The following PTPRT variants were observed in gnomAD, a reference collection of about 807,000 sequenced individuals.
The protein encoded by PTPRT is receptor-type tyrosine-protein phosphatase T.
Under a neutral mutation model 176.8 loss-of-function variants are expected in PTPRT, and 56 were observed. The observed-to-expected ratio is 0.32, with a 90% CI of 0.26 to 0.40. The LOEUF (loss-of-function observed/expected upper bound fraction) is 0.40, where lower values mean the gene tolerates loss of function less well. Among genes scored for constraint, PTPRT ranks in the 10% least tolerant of loss-of-function variants. The probability of loss-of-function intolerance (pLI) is 1.00; values close to 1 mark genes in which losing one functional copy is unlikely to be tolerated. For synonymous variants in PTPRT, 783 were observed against 739.0 expected (o/e 1.06, Z -0.96); for missense variants, 1,540 against 1,908.2 (o/e 0.81, Z 3.60).
chr20:42,855,465 C>T (rs2078546001), intron 2 of PTPRT, among the ~76,000 whole-genome samples: 1 of 129,018 alleles, frequency 7.8e-6, no homozygotes, highest in African/African-American at 3.2e-5. Flanking sequence ...GACAGAGTCT[C>T]ACTCCACCCA....
rs981038260 is a variant in PTPRT, at chr20:42,654,914, T to C, written c.1153+22952A>G. 2.0e-5 allele frequency among the ~76,000 whole-genome samples: 3 copies of C among 152,242 alleles called. No individual in the cohort carries two copies. The East Asian group carries it at 5.8e-4, about 29-fold the overall frequency. On this transcript the variant is annotated intron_variant, in intron 7 of 30. Coordinates refer to ENST00000373187, the MANE Select transcript of PTPRT (RefSeq NM_007050.6). The stretch of plus-strand genomic sequence containing the variant: ...ACTACCCGCATTGAAGAGAAATTTA[T>C]AGATTATATCTTATTGCATTAATGT...
At chr20:42,167,120 A>G (rs112001219) in intron 16 of PTPRT, among the ~76,000 whole-genome samples, 2,173 of 152,306 alleles carry the variant, frequency 0.014, 42 homozygotes, top group African/African-American at 0.05. Context: ...TCAAAGAGAT[A>G]GTGCATGCTG....
Position 42,814,293 on chromosome 20 carries a change from A to G in PTPRT, c.215-22827T>C, listed in dbSNP as rs76945365. ...TCTTGTATTCTTGTTTGCTCAATCT[A>G]TTACGTATTTGTCAAGAGGAATTCT... On this transcript the variant is annotated intron_variant, in intron 2 of 30. Coordinates refer to ENST00000373187, the MANE Select transcript of PTPRT (RefSeq NM_007050.6). Among the ~76,000 whole-genome samples, 593 of 152,142 alleles carry G rather than the reference A, an allele frequency of 3.9e-3. 4 individuals are homozygous for G. The highest frequency in any genetic ancestry group is 0.014 in the African/African-American group (561 of 41,506).
chr20:42,219,273 T>C (rs905209495), intron 15 of PTPRT, among the ~76,000 whole-genome samples: 5 of 152,150 alleles, frequency 3.3e-5, no homozygotes, highest in African/African-American at 1.2e-4. Flanking sequence ...TCAGGGATAC[T>C]ATTTCTGCCT....
rs542374117 is a variant in PTPRT at position 42,647,904 on chromosome 20, C to T, written c.1153+29962G>A. ...TACAGCAGTCAGGGTTAAGAGAAAT[C>T]ATTAAGTAATAACAAAGTCAGGAGT... On this transcript the variant is annotated intron_variant, in intron 7 of 30. Transcript: ENST00000373187. Among the ~76,000 whole-genome samples the T allele has an allele frequency of 7.2e-5, 11 of 152,252 alleles. No homozygotes were observed. The South Asian group carries it at 2.3e-3, about 32-fold the overall frequency.
chr20:42,839,307 G>GTT (rs879401385), intron 2 of PTPRT, among the ~76,000 whole-genome samples: 91 of 136,468 alleles, frequency 6.7e-4, no homozygotes, highest in Admixed American at 2.0e-3. Flanking sequence ...TGTTCACTCT[G>GTT]TTTTTTTTTT....
intron 1 of PTPRT, among the ~76,000 whole-genome samples, chr20:43,086,294 G>GA (rs1267693891): frequency 6.6e-6 from 1 of 152,078 alleles, no homozygotes; most frequent in Non-Finnish European, 1.5e-5. Context: ...TCCAAAACGA[G>GA]AAAAAACTAA....
intron 25 of PTPRT, 117 bp from the exon 26 acceptor site, chr20:42,102,414 C>G: frequency 9.2e-7 from 1 of 1,092,652 alleles, no homozygotes; most frequent in Non-Finnish European, 1.3e-6. Flanking sequence ...AAGCGCAGCC[C>G]CACTCTCCCT....
At chr20:42,635,148 A>C (rs1211235745) in intron 7 of PTPRT, among the ~76,000 whole-genome samples, 1 of 152,168 alleles carries the variant, frequency 6.6e-6, no homozygotes, top group Non-Finnish European at 1.5e-5. Flanking sequence ...TCTTGGTCTG[A>C]GAGGTTTCAT....
chr20:42,092,028 T>G (rs1161965186), intron 27 of PTPRT, among the ~76,000 whole-genome samples: 1 of 152,110 alleles, frequency 6.6e-6, no homozygotes, highest in Non-Finnish European at 1.5e-5. Context: ...AAAGACGTAC[T>G]AAGGAGATGG....
At chr20:43,022,859 T>C (rs1472506797) in intron 1 of PTPRT, among the ~76,000 whole-genome samples, 1 of 152,174 alleles carries the variant, frequency 6.6e-6, no homozygotes, top group Non-Finnish European at 1.5e-5. Flanking sequence ...GAGCCTGATA[T>C]TGAAGAGTTG....
At chr20:43,060,605 A>G (rs1987417016) in intron 1 of PTPRT, among the ~76,000 whole-genome samples, 1 of 152,240 alleles carries the variant, frequency 6.6e-6, no homozygotes, top group East Asian at 1.9e-4. Context: ...CAGGCACAAC[A>G]ATACATACTT....
chr20:42,150,889 A>G (rs1989096924), intron 17 of PTPRT, among the ~76,000 whole-genome samples: 1 of 152,110 alleles, frequency 6.6e-6, no homozygotes, highest in Non-Finnish European at 1.5e-5. Context: ...CTCTCCCAAA[A>G]CTAATTTTAT....
intron 13 of PTPRT, among the ~76,000 whole-genome samples, chr20:42,250,887 T>C (rs1392600852): frequency 1.3e-5 from 2 of 152,192 alleles, no homozygotes; most frequent in Non-Finnish European, 2.9e-5. Flanking sequence ...AACCAACTCA[T>C]CAAATTCCAG....
intron 1 of PTPRT, among the ~76,000 whole-genome samples, chr20:42,990,514 G>A (rs1983847439): frequency 1.3e-5 from 2 of 152,136 alleles, no homozygotes; most frequent in African/African-American, 4.8e-5. Context: ...AAACTTCAGA[G>A]AGCCATAGTG....
chr20:42,507,657 G>C (rs1161621310), intron 7 of PTPRT, among the ~76,000 whole-genome samples: 3 of 152,098 alleles, frequency 2.0e-5, no homozygotes, highest in Non-Finnish European at 4.4e-5. Flanking sequence ...ACAAATATTA[G>C]TTCAATCCTG....
chr20:42,330,338 T>TA (rs965716585), intron 11 of PTPRT, among the ~76,000 whole-genome samples: 56 of 151,944 alleles, frequency 3.7e-4, no homozygotes, highest in African/African-American at 1.3e-3. Context: ...CTGGGCGTGG[T>TA]AGGGGCACAT....
At chr20:42,665,238 C>CA (rs2075293592) in intron 7 of PTPRT, among the ~76,000 whole-genome samples, 1 of 151,890 alleles carries the variant, frequency 6.6e-6, no homozygotes, top group African/African-American at 2.4e-5. Flanking sequence ...ACAATGAACT[C>CA]AAACAAATTT....
At chr20:42,347,901 TTTTG>T (rs2058218622) in intron 11 of PTPRT, among the ~76,000 whole-genome samples, 1 of 152,208 alleles carries the variant, frequency 6.6e-6, no homozygotes, top group Non-Finnish European at 1.5e-5. Context: ...AATTTCATGA[TTTTG>T]TTTGTTTGTG....
Sources: gnomAD v4.1 joint callset for allele counts (sites outside exome capture counted in the v4.1 genomes callset) on GRCh38, gnomAD v4.1.1 for gene constraint, MANE v1.5 for transcripts, NCBI Gene and HGNC (gene_info 2026-07-23, HGNC 2026-07-21) for gene names.